Variants in SLC25A16 observed in about 807,000 individuals in gnomAD.
The protein encoded by SLC25A16 is solute carrier family 25 member 16.
In SLC25A16, 39 loss-of-function variants were observed where a neutral mutation model predicts 41.5. The ratio of observed to expected loss-of-function variants is 0.94; its 90% CI spans 0.73 to 1.23. SLC25A16 has a LOEUF of 1.23. SLC25A16 is among the 50% of genes most tolerant of loss of function. SLC25A16 has a pLI of 0.00. For missense variants in SLC25A16, 421 were observed against 426.9 expected, an observed-to-expected ratio of 0.99 and a Z score of 0.12; for synonymous variants, 146 against 147.8, an observed-to-expected ratio of 0.99 and a Z score of 0.09.
chr10:68,487,236 G>T lies in SLC25A16; in HGVS notation c.774-24C>A, dbSNP rs372694938. 14 of 1,606,480 alleles carry T rather than the reference G, an allele frequency of 8.7e-6. No individual in the cohort carries two copies. In the East Asian group the frequency reaches 1.8e-4, roughly 20 times the overall value. ...AGCTAAAAGAAGAAAAAGGCATAAA[G>T]AATTAAAAATTTTTGGTTTTCTACT... On this transcript the variant is annotated intron_variant, in intron 7 of 8. Coordinates refer to ENST00000609923, the MANE Select transcript of SLC25A16 (RefSeq NM_152707.4).
chr10:68,514,324 G>C (rs1056952152), intron 2 of SLC25A16, among the ~76,000 whole-genome samples: 39 of 151,880 alleles, frequency 2.6e-4, no homozygotes, highest in Admixed American at 2.1e-3. Context: ...GTGAAACCCC[G>C]TATCTACTAA....
At chr10:68,525,415 C>T (rs572353708) in intron 1 of SLC25A16, among the ~76,000 whole-genome samples, 7 of 152,094 alleles carry the variant, frequency 4.6e-5, no homozygotes, top group South Asian at 4.2e-4. Context: ...GGATTACAGG[C>T]GTGAGCCACC....
intron 6 of SLC25A16, among the ~76,000 whole-genome samples, chr10:68,489,266 T>C (rs968987743): frequency 6.6e-6 from 1 of 150,550 alleles, no homozygotes; most frequent in African/African-American, 2.4e-5. Flanking sequence ...CGAAACTCTG[T>C]CTCAAACACA....
rs1438638159 is a variant in SLC25A16, at chr10:68,481,189, T to G, written c.*2243A>C. 1.3e-5 allele frequency: 2 copies of G among 152,238 alleles called. No homozygotes were observed. The highest frequency in any genetic ancestry group is 1.9e-4 in the East Asian group (1 of 5,162). The allele number at this position is 152,238 out of a possible 1,614,324, so 9.4% of individuals were successfully genotyped here. ...TAGTAGAGACAGGGTTTCTCCACGT[T>G]GGCCAGTCTGGTCTTGAACTCCTGA... On this transcript the variant is annotated 3_prime_UTR_variant, in exon 9 of 9. Coordinates refer to ENST00000609923, the MANE Select transcript of SLC25A16 (RefSeq NM_152707.4).
chr10:68,499,993 T>C (rs1010406970), intron 4 of SLC25A16: 2 of 416,260 alleles, frequency 4.8e-6, no homozygotes, highest in African/African-American at 4.1e-5. Context: ...CAAGCTTTGA[T>C]AAAAACTCGA....
chr10:68,484,022 A>G (rs1479441732), intron 8 of SLC25A16, among the ~76,000 whole-genome samples: 2 of 152,144 alleles, frequency 1.3e-5, no homozygotes, highest in African/African-American at 4.8e-5. Flanking sequence ...AGAAAGACAA[A>G]TGTTTTAACA....
chr10:68,488,602 A>C lies in SLC25A16; in HGVS notation c.638T>G (p.Leu213Trp). The C allele has an allele frequency of 6.2e-7, 1 of 1,613,402 alleles. No homozygotes were observed. The highest frequency in any genetic ancestry group is 8.5e-7 in the Non-Finnish European group (1 of 1,179,856). Residue 213 changes from leucine (L) to tryptophan (W), a missense_variant, in exon 7 of 9, where the codon TTG becomes TGG. Leu to Trp is a moderately conservative substitution (Grantham distance 61). Coordinates refer to ENST00000609923, the MANE Select transcript of SLC25A16 (RefSeq NM_152707.4). Reference protein sequence around the residue: ...AGVSFFTFGTLKSVGLSHAPT... With the variant: ...AGVSFFTFGTWKSVGLSHAPT... ...AGCATGGGAAAGCCCAACACTCTTC[A>C]AGGTACCAAAAGTAAAAAATGAAAC...
At chr10:68,518,697 C>T (rs920041757) in intron 1 of SLC25A16, among the ~76,000 whole-genome samples, 10 of 150,236 alleles carry the variant, frequency 6.7e-5, no homozygotes, top group Admixed American at 5.3e-4. Flanking sequence ...TTGCATGAAC[C>T]CAGGAGGCAG....
In SLC25A16 at chr10:68,501,440, A is replaced by G. The variant is rs368514018; in HGVS notation, c.421+2192T>C. ...AGGCTGAGTGTAAACTCATCCCACT[A>G]CTCAGCCTGGGTAACAGAACAAGAG... is the stretch of plus-strand genomic sequence containing the variant. On this transcript the variant is annotated intron_variant, in intron 4 of 8. Coordinates refer to ENST00000609923, the MANE Select transcript of SLC25A16 (RefSeq NM_152707.4). Among the ~76,000 whole-genome samples the G allele has an allele frequency of 2.0e-4, 30 of 151,526 alleles. No individual in the cohort carries two copies. In the East Asian group the frequency reaches 4.7e-3, roughly 24 times the overall value.
Position 68,487,149 on chromosome 10 carries a change from C to G in SLC25A16, c.837G>C (p.Lys279Asn), listed in dbSNP as rs970304987. Residue 279 changes from lysine to asparagine, a missense_variant, in exon 8 of 9, where the codon AAG (lysine) becomes AAC (asparagine). Lys to Asn is a moderately conservative substitution (Grantham distance 94). Transcript: ENST00000609923. ...ATGACATATGATGAACTTACAGGCA[C>G]TTTTCAAATTCCGGCAGAACAGTTC... ...QLGTVLPEFE[K>N]CLTMRDTMKY... 2 of 1,612,386 alleles carry G rather than the reference C, an allele frequency of 1.2e-6. No individual in the cohort carries two copies. Among genetic ancestry groups the G allele is most frequent in the Non-Finnish European group, 1.7e-6 (2 of 1,178,866 alleles).
intron 2 of SLC25A16, among the ~76,000 whole-genome samples, chr10:68,508,981 C>T (rs759285218): frequency 9.9e-5 from 15 of 152,124 alleles, no homozygotes; most frequent in East Asian, 1.9e-4. Context: ...TTTTGATTGT[C>T]GCCAATTTTG....
chr10:68,485,662 C>G (rs555502351), intron 8 of SLC25A16, among the ~76,000 whole-genome samples: 1 of 151,792 alleles, frequency 6.6e-6, no homozygotes, highest in Non-Finnish European at 1.5e-5. Context: ...GGATTATAGG[C>G]GTGAGCCACT....
chr10:68,503,558 A>G, intron 4 of SLC25A16, 74 bp downstream of exon 4: 1 of 1,021,832 alleles, frequency 9.8e-7, no homozygotes, highest in Non-Finnish European at 1.5e-6. Context: ...TGGCACTCAT[A>G]TAATCTAAAC....
At chr10:68,509,744 T>TATAG (rs1180156926) in intron 2 of SLC25A16, among the ~76,000 whole-genome samples, 2 of 143,482 alleles carry the variant, frequency 1.4e-5, no homozygotes, top group African/African-American at 5.4e-5. Flanking sequence ...TATATATATC[T>TATAG]ATATATATAG....
rs1036910970 is a variant in SLC25A16, at chr10:68,478,482, T to C, written c.*4950A>G. The C allele has an allele frequency of 6.6e-6, 1 of 152,048 alleles. No individual in the cohort carries two copies. The highest frequency in any genetic ancestry group is 1.5e-5 in the Non-Finnish European group (1 of 67,996). 9.4% of individuals were successfully genotyped at this position (152,048 alleles called of 1,614,324 possible). ...TGCAAGGCAACCCATTAATTGTACA[T>C]AGTTTGGGAATAATCCTTGGGGAAA... On this transcript the variant is annotated 3_prime_UTR_variant, in exon 9 of 9. Coordinates refer to ENST00000609923, the MANE Select transcript of SLC25A16 (RefSeq NM_152707.4).
chr10:68,494,663 G>A (rs1444290054), intron 4 of SLC25A16, among the ~76,000 whole-genome samples: 1 of 147,876 alleles, frequency 6.8e-6, no homozygotes, highest in Non-Finnish European at 1.5e-5. Context: ...GATCACCTGA[G>A]GTCAGGAGTT....
chr10:68,511,834 C>T (rs915178620), intron 2 of SLC25A16, among the ~76,000 whole-genome samples: 2 of 151,484 alleles, frequency 1.3e-5, no homozygotes, highest in Non-Finnish European at 2.9e-5. Context: ...ACTGGGACTA[C>T]AGGTACATGC....
At chr10:68,510,007 G>GCAGA (rs2053033007) in intron 2 of SLC25A16, among the ~76,000 whole-genome samples, 1 of 151,766 alleles carries the variant, frequency 6.6e-6, no homozygotes, top group Non-Finnish European at 1.5e-5. Flanking sequence ...AAACCAGGAG[G>GCAGA]CAGAGGTTGC....
At position 68,483,505 on chromosome 10, in the gene SLC25A16, A is replaced by C; in HGVS notation, c.926T>G (p.Ile309Ser). The change falls in exon 9 of 9, where the codon ATT becomes AGT. Residue 309 changes from isoleucine to serine, a missense_variant. Physicochemically the swap from Ile to Ser is moderately radical, Grantham distance 142. Transcript: ENST00000609923. The part of the protein sequence containing the change: ...GLYRGLSLNY[I>S]RCIPSQAVAF... ...CACTGCTTGAGAGGGAATACAGCGA[A>C]TGTAATTAAGAGATAAACCACGATA... 6.2e-7 allele frequency: 1 copy of C among 1,613,168 alleles called. No homozygotes were observed. The highest frequency in any genetic ancestry group is 1.1e-5 in the South Asian group (1 of 90,860).
Sources: gnomAD v4.1 joint callset for allele counts (sites outside exome capture counted in the v4.1 genomes callset) on GRCh38, gnomAD v4.1.1 for gene constraint, MANE v1.5 for transcripts, NCBI Gene and HGNC (gene_info 2026-07-23, HGNC 2026-07-21) for gene names.